The following SESN3 variants were observed in gnomAD, a reference collection of about 807,000 sequenced individuals.
SESN3 encodes the protein sestrin-3.
A neutral mutation model predicts 55.3 loss-of-function variants in SESN3; 21 were observed. The ratio of observed to expected loss-of-function variants is 0.38; its 90% CI spans 0.27 to 0.55. The LOEUF (loss-of-function observed/expected upper bound fraction) is 0.55, where lower values mean the gene tolerates loss of function less well. Among genes scored for constraint, SESN3 ranks in the 20% least tolerant of loss-of-function variants. SESN3 has a pLI of 0.76. For synonymous variants in SESN3, 181 were observed against 203.1 expected (o/e 0.89, Z 0.93); for missense variants, 408 against 604.3 (o/e 0.68, Z 3.41).
rs1859867004 is a variant in SESN3 at position 95,172,335 on chromosome 11, A to T, written c.*920T>A. 1 of 152,192 alleles carries T rather than the reference A, an allele frequency of 6.6e-6. No homozygotes were observed. Among genetic ancestry groups the T allele is most frequent in the African/African-American group, 2.4e-5 (1 of 41,458 alleles). The allele number at this position is 152,192 out of a possible 1,614,324, so 9.4% of individuals were successfully genotyped here. A position where few individuals can be genotyped will look rare whatever the true frequency, so the allele number is the denominator to read the frequency against. ...GCTTAACGAAATATAGAAAAAAACT[A>T]TGAGAAAGGAAAAATGTGCAAAGAA... On this transcript the variant is annotated 3_prime_UTR_variant, in exon 10 of 10. Coordinates refer to ENST00000536441, the MANE Select transcript of SESN3 (RefSeq NM_144665.4).
chr11:95,216,422 AG>A (rs1860758085), intron 1 of SESN3, among the ~76,000 whole-genome samples: 2 of 152,362 alleles, frequency 1.3e-5, no homozygotes, highest in African/African-American at 2.4e-5. Flanking sequence ...ATAACACAGT[AG>A]TTTATTAAAT....
chr11:95,228,805 G>A (rs1418088148), intron 1 of SESN3, among the ~76,000 whole-genome samples: 4 of 152,150 alleles, frequency 2.6e-5, no homozygotes, highest in East Asian at 1.9e-4. Flanking sequence ...TATAAAATAC[G>A]AAAATGTGAA....
At chr11:95,201,101 G>C (rs1860453356) in intron 1 of SESN3, 1 of 151,784 alleles carries the variant, frequency 6.6e-6, no homozygotes, top group African/African-American at 2.4e-5. Flanking sequence ...AAAAGAATGA[G>C]TTCTAAGAAA....
chr11:95,179,460 G>A (rs1193865731), intron 6 of SESN3, among the ~76,000 whole-genome samples: 1 of 152,032 alleles, frequency 6.6e-6, no homozygotes, highest in Non-Finnish European at 1.5e-5. Context: ...ATCTCTCCAG[G>A]GGATGAAGTG....
At position 95,170,174 on chromosome 11, in the gene SESN3, G is replaced by C. The variant is rs772878782; in HGVS notation, c.*3081C>G. On this transcript the variant is annotated 3_prime_UTR_variant, in exon 10 of 10. Coordinates refer to ENST00000536441, the MANE Select transcript of SESN3 (RefSeq NM_144665.4). ...TCATATATCCACCTGAGGAAGCCTC[G>C]TCTGAAGAAGCCAGTGAGGCACCTG... 3.3e-5 allele frequency: 5 copies of C among 152,148 alleles called. No homozygotes were observed. Among genetic ancestry groups the C allele is most frequent in the Non-Finnish European group, 5.9e-5 (4 of 68,018 alleles). 9.4% of individuals were successfully genotyped at this position (152,148 alleles called of 1,614,324 possible).
intron 1 of SESN3, among the ~76,000 whole-genome samples, chr11:95,218,206 T>G (rs1860794896): frequency 6.6e-6 from 1 of 152,248 alleles, no homozygotes; most frequent in South Asian, 2.1e-4. Flanking sequence ...ATAGAAGAAC[T>G]ACTGTGCTTA....
chr11:95,212,686 ATGAT>A (rs1224578750), intron 1 of SESN3, among the ~76,000 whole-genome samples: 9 of 152,202 alleles, frequency 5.9e-5, no homozygotes, highest in South Asian at 2.1e-4. Context: ...CCTAAAGAGA[ATGAT>A]TGATATGACA....
Position 95,185,296 on chromosome 11 carries a change from T to C in SESN3, c.722A>G (p.Asn241Ser). 6.2e-7 allele frequency: 1 copy of C among 1,612,846 alleles called. No homozygotes were observed. The highest frequency in any genetic ancestry group is 8.5e-7 in the Non-Finnish European group (1 of 1,179,046). Residue 241 changes from asparagine to serine, a missense_variant, in exon 5 of 10, where the codon AAC becomes AGC. Asn to Ser is a conservative substitution (Grantham distance 46, BLOSUM62 1). Coordinates refer to ENST00000536441, the MANE Select transcript of SESN3 (RefSeq NM_144665.4). ...TGAAAGAGATGCATTCTCTATGTTG[T>C]TGTCATTAGCAAGATCACAAACGCA... ...NFCVCDLAND[N>S]NIENASLSGS...
chr11:95,184,308 A>G (rs1315283447), intron 6 of SESN3, 112 bp downstream of exon 6: 3 of 855,826 alleles, frequency 3.5e-6, no homozygotes, highest in South Asian at 3.3e-5. Context: ...GGAGAACTAA[A>G]TAAGAGAAAG....
chr11:95,204,367 T>C (rs563918683), intron 1 of SESN3, among the ~76,000 whole-genome samples: 22 of 152,124 alleles, frequency 1.4e-4, no homozygotes, highest in Non-Finnish European at 2.1e-4. Context: ...TAATGAAAAA[T>C]AAATGTTATT....
intron 1 of SESN3, among the ~76,000 whole-genome samples, chr11:95,216,349 G>A (rs1860756514): frequency 6.6e-6 from 1 of 152,272 alleles, no homozygotes; most frequent in Non-Finnish European, 1.5e-5. Context: ...GAAATGGACA[G>A]GTTAGGACTG....
At chr11:95,207,026 G>A (rs1188393848) in intron 1 of SESN3, among the ~76,000 whole-genome samples, 3 of 151,896 alleles carry the variant, frequency 2.0e-5, no homozygotes, top group African/African-American at 7.3e-5. Flanking sequence ...TGATCCACCC[G>A]CCTCAGCCTC....
chr11:95,185,032 T>C (rs1163116191), intron 5 of SESN3, among the ~76,000 whole-genome samples: 1 of 152,068 alleles, frequency 6.6e-6, no homozygotes. Context: ...CTAGAATGCA[T>C]CACTGTTTAG....
intron 6 of SESN3, among the ~76,000 whole-genome samples, chr11:95,179,322 T>A (rs975992125): frequency 6.6e-6 from 1 of 152,038 alleles, no homozygotes; most frequent in Non-Finnish European, 1.5e-5. Context: ...GCTCAGCTAA[T>A]TTTTTGTATT....
At chr11:95,213,336 C>G (rs1448208830) in intron 1 of SESN3, among the ~76,000 whole-genome samples, 1 of 152,106 alleles carries the variant, frequency 6.6e-6, no homozygotes, top group East Asian at 1.9e-4. Context: ...AGAGCTGATT[C>G]AATTGAAAAT....
chr11:95,215,474 C>T (rs1860734479), intron 1 of SESN3, among the ~76,000 whole-genome samples: 1 of 152,020 alleles, frequency 6.6e-6, no homozygotes, highest in Non-Finnish European at 1.5e-5. Flanking sequence ...TAGGAACAGT[C>T]AATCATAGCA....
chr11:95,225,303 C>CT (rs1860929032), intron 1 of SESN3, among the ~76,000 whole-genome samples: 1 of 152,214 alleles, frequency 6.6e-6, no homozygotes, highest in African/African-American at 2.4e-5. Context: ...AAGGACCATA[C>CT]TTTGAGAACT....
At chr11:95,215,873 C>T (rs1022468198) in intron 1 of SESN3, among the ~76,000 whole-genome samples, 12 of 151,630 alleles carry the variant, frequency 7.9e-5, no homozygotes, top group African/African-American at 2.9e-4. Context: ...CCGAGGCGGG[C>T]GGATCACGAG....
chr11:95,186,194 C>CTGTGTGTGTGTG (rs35466696), intron 4 of SESN3, among the ~76,000 whole-genome samples: 5,426 of 107,456 alleles, frequency 0.05, 216 homozygotes, highest in East Asian at 0.066. Flanking sequence ...CTATCTCTCA[C>CTGTGTGTGTGTG]TGTGTGTGTG....
Sources: allele counts gnomAD v4.1 joint callset (sites outside exome capture counted in the v4.1 genomes callset), GRCh38; gene constraint gnomAD v4.1.1; transcripts MANE v1.5; gene names NCBI Gene and HGNC (gene_info 2026-07-23, HGNC 2026-07-21).